CAPN8: variants seen among roughly 807,000 people sequenced by gnomAD.
CAPN8 encodes calpain-8.
Under a neutral mutation model 80.9 loss-of-function variants are expected in CAPN8, and 87 were observed. The ratio of observed to expected loss-of-function variants is 1.07; its 90% CI spans 0.90 to 1.28. The LOEUF is 1.28. Ranked by LOEUF, CAPN8 falls within the 50% of genes most tolerant of loss-of-function variation. The pLI is 0.00. For synonymous variants in CAPN8, 299 were observed against 273.8 expected, an observed-to-expected ratio of 1.09 and a Z score of -0.91; for missense variants, 757 against 702.0, an observed-to-expected ratio of 1.08 and a Z score of -0.89.
At position 223,649,440 on chromosome 1, in the gene CAPN8, G is replaced by A. The variant is rs146391541; in HGVS notation, c.307+4890C>T. On this transcript the variant is annotated intron_variant, in intron 2 of 20. Transcript: ENST00000366872. ...CCTTTTTCCACAGCCACCAGCAGGG[G>A]CTAGGGACAGTCTCCTTCATGACCT... 3.2e-3 allele frequency among the ~76,000 whole-genome samples: 493 copies of A among 152,308 alleles called. 5 individuals carry two copies. Among genetic ancestry groups the A allele is most frequent in the Non-Finnish European group, 4.5e-3 (309 of 68,030 alleles).
At chr1:223,555,344 G>A (rs985604913) in intron 13 of CAPN8, among the ~76,000 whole-genome samples, 1,793 of 152,280 alleles carry the variant, frequency 0.012, 36 homozygotes, top group African/African-American at 0.04. Flanking sequence ...TGGAATGATC[G>A]TCAGAGAAGA....
In CAPN8 at chr1:223,648,482, T is replaced by C. The variant is rs572901188; in HGVS notation, c.307+5848A>G. 1.8e-4 allele frequency among the ~76,000 whole-genome samples: 28 copies of C among 152,312 alleles called. 1 individual carries two copies. Among genetic ancestry groups the C allele is most frequent in the African/African-American group, 5.8e-4 (24 of 41,568 alleles). On this transcript the variant is annotated intron_variant, in intron 2 of 20. Transcript: ENST00000366872. The stretch of plus-strand genomic sequence containing the variant: ...TTGAAGGATGCTACAGATCAAAAGG[T>C]GTCCAGGAAAGTGATCTTAAAGATG...
chr1:223,659,694 T>G (rs900057198), intron 1 of CAPN8, among the ~76,000 whole-genome samples: 2 of 152,226 alleles, frequency 1.3e-5, no homozygotes, highest in Non-Finnish European at 2.9e-5. Flanking sequence ...TCTCTGGATA[T>G]TCTGTCTTGT....
chr1:223,627,366 C>G (rs528285888), intron 4 of CAPN8, among the ~76,000 whole-genome samples: 187 of 152,328 alleles, frequency 1.2e-3, no homozygotes, highest in African/African-American at 4.2e-3. Context: ...CAGCCAACCT[C>G]TCTCCAGCCA....
chr1:223,665,668 G>T lies in CAPN8; in HGVS notation c.-22C>A. ...CCATGGCCGTGGGCTCTGTAGGGTGGACAGAAGGGCAGGGCTGCACTGTAC... is the reference window on the plus strand; with the variant it reads ...CCATGGCCGTGGGCTCTGTAGGGTGTACAGAAGGGCAGGGCTGCACTGTAC... On this transcript the variant is annotated 5_prime_UTR_variant, in exon 1 of 21. Coordinates refer to ENST00000366872, the MANE Select transcript of CAPN8 (RefSeq NM_001143962.2). The T allele has an allele frequency of 1.3e-6, 2 of 1,536,764 alleles. No homozygotes were observed. The highest frequency in any genetic ancestry group is 1.8e-6 in the Non-Finnish European group (2 of 1,134,618).
chr1:223,542,042 T>TACAGAAATGTGAC (rs1656479308), intron 20 of CAPN8, among the ~76,000 whole-genome samples, 183 bp from the exon 21 acceptor site: 1 of 152,056 alleles, frequency 6.6e-6, no homozygotes, highest in African/African-American at 2.4e-5. Flanking sequence ...ACCAGGGTAC[T>TACAGAAATGTGAC]ACAGAAATGT....
At chr1:223,542,005 G>T (rs955107243) in intron 20 of CAPN8, 146 bp from the exon 21 acceptor site, 1 of 1,334,744 alleles carries the variant, frequency 7.5e-7, no homozygotes, top group Non-Finnish European at 1.0e-6. Context: ...AAGCAAGGAA[G>T]GCTTTCACTA....
chr1:223,612,381 G>A, intron 10 of CAPN8, 124 bp from the exon 11 acceptor site: 1 of 813,698 alleles, frequency 1.2e-6, no homozygotes, highest in Non-Finnish European at 1.6e-6. Context: ...GGAGACATTT[G>A]TGCTAAAGTG....
chr1:223,614,048 A>G (rs1394978768), intron 10 of CAPN8, among the ~76,000 whole-genome samples: 2 of 152,264 alleles, frequency 1.3e-5, no homozygotes, highest in Non-Finnish European at 2.9e-5. Flanking sequence ...CGCAAATGTC[A>G]TGCCACACAA....
chr1:223,639,341 C>T (rs1571726558), intron 2 of CAPN8, among the ~76,000 whole-genome samples: 1 of 152,218 alleles, frequency 6.6e-6, no homozygotes. Flanking sequence ...GTACTATAGG[C>T]TCAGCCCTTC....
At chr1:223,642,786 C>T (rs1430328395) in intron 2 of CAPN8, 2 of 456,234 alleles carry the variant, frequency 4.4e-6, no homozygotes, top group Admixed American at 4.7e-5. Context: ...CAGAGTTCCT[C>T]CTAGTTGCTT....
chr1:223,618,394 C>G (rs922833774), intron 9 of CAPN8: 9 of 1,413,894 alleles, frequency 6.4e-6, no homozygotes, highest in Non-Finnish European at 7.8e-6. Flanking sequence ...ACTATCTCCA[C>G]CAGGGTCTGA....
In CAPN8 at chr1:223,665,667, G is replaced by A. The variant is rs1368066094; in HGVS notation, c.-21C>T. The A allele has an allele frequency of 1.3e-6, 2 of 1,537,320 alleles. No homozygotes were observed. Among genetic ancestry groups the A allele is most frequent in the East Asian group, 2.4e-5 (1 of 40,850 alleles). The stretch of plus-strand genomic sequence containing the variant: ...GCCATGGCCGTGGGCTCTGTAGGGT[G>A]GACAGAAGGGCAGGGCTGCACTGTA... On this transcript the variant is annotated 5_prime_UTR_variant, in exon 1 of 21. Coordinates refer to ENST00000366872, the MANE Select transcript of CAPN8 (RefSeq NM_001143962.2).
intron 9 of CAPN8, among the ~76,000 whole-genome samples, chr1:223,616,569 G>T (rs887967270): frequency 2.0e-5 from 3 of 152,182 alleles, no homozygotes; most frequent in African/African-American, 7.2e-5. Context: ...TGGGTAAAAA[G>T]CATGTCCCCA....
At chr1:223,618,392 CA>C (rs746634858) in intron 9 of CAPN8, 1 of 1,423,228 alleles carries the variant, frequency 7.0e-7, no homozygotes, top group Non-Finnish European at 9.6e-7. Flanking sequence ...ATACTATCTC[CA>C]CCAGGGTCTG....
In CAPN8 at chr1:223,665,376, T is replaced by C. The variant is rs1050155921; in HGVS notation, c.237+34A>G. 3 of 1,522,450 alleles carry C rather than the reference T, an allele frequency of 2.0e-6. No individual in the cohort carries two copies. In the African/African-American group the frequency reaches 4.1e-5, roughly 21 times the overall value. The allele number at this position is 1,522,450 out of a possible 1,614,324, so 94.3% of individuals were successfully genotyped here. A position where few individuals can be genotyped will look rare whatever the true frequency, so the allele number is the denominator to read the frequency against. On this transcript the variant is annotated intron_variant, in intron 1 of 20. Transcript: ENST00000366872. Reference sequence around the variant, plus strand: ...GATCAGATGTAAGGCCCCTCCACCTTGTATGTCACTCAACAGCAAGCCCGC... The same window carrying C: ...GATCAGATGTAAGGCCCCTCCACCTCGTATGTCACTCAACAGCAAGCCCGC...
chr1:223,641,133 G>T (rs1259356820), intron 2 of CAPN8, among the ~76,000 whole-genome samples: 2 of 152,092 alleles, frequency 1.3e-5, no homozygotes, highest in Admixed American at 1.3e-4. Flanking sequence ...AAGTTTTCAT[G>T]ATTCTTCCTC....
chr1:223,618,070 C>T, intron 9 of CAPN8: 1 of 664,266 alleles, frequency 1.5e-6, no homozygotes, highest in South Asian at 1.9e-5. Flanking sequence ...TGAGCTCTGT[C>T]ATGAGAAGAA....
chr1:223,543,713 T>C (rs1479834664), intron 19 of CAPN8, among the ~76,000 whole-genome samples: 2 of 152,194 alleles, frequency 1.3e-5, no homozygotes, highest in Non-Finnish European at 2.9e-5. Flanking sequence ...ATGATCCCTA[T>C]TGAAAAACAA....
Sources: gnomAD v4.1 joint callset for allele counts (sites outside exome capture counted in the v4.1 genomes callset) on GRCh38, gnomAD v4.1.1 for gene constraint, MANE v1.5 for transcripts, NCBI Gene and HGNC (gene_info 2026-07-23, HGNC 2026-07-21) for gene names.